Variants in NEK6 observed in about 807,000 individuals in gnomAD.
The protein encoded by NEK6 is serine/threonine-protein kinase Nek6.
A neutral mutation model predicts 43.5 loss-of-function variants in NEK6; 27 were observed. The observed-to-expected ratio is 0.62, with a 90% confidence interval of 0.46 to 0.86. The LOEUF is 0.86. Among genes scored for constraint, NEK6 ranks in the 40% least tolerant of loss-of-function variants. The pLI is 0.00. For synonymous variants in NEK6, 167 were observed against 164.1 expected (o/e 1.02, Z -0.14); for missense variants, 318 against 414.4 (o/e 0.77, Z 2.02).
rs1349662340 is a variant in NEK6 at position 124,310,634 on chromosome 9, G to A, written c.91-1875G>A. ...CTTTTTTTTGAGATGGAGTCTCACC[G>A]TCACCCAGGCTGGAGTGCAGTAGCA... On this transcript the variant is annotated intron_variant, in intron 2 of 9. Transcript: ENST00000320246. Among the ~76,000 whole-genome samples, 8 of 152,132 alleles carry A rather than the reference G, an allele frequency of 5.3e-5. 1 individual carries two copies. Among genetic ancestry groups the A allele is most frequent in the Admixed American group, 6.6e-5 (1 of 15,266 alleles).
intron 1 of NEK6, among the ~76,000 whole-genome samples, chr9:124,270,333 G>C (rs772507200): frequency 2.6e-5 from 4 of 152,182 alleles, no homozygotes; most frequent in Non-Finnish European, 5.9e-5. Context: ...TGTCCAAGAA[G>C]CCTCTTGGGA....
At chr9:124,298,916 C>G (rs1832826633) in intron 1 of NEK6, among the ~76,000 whole-genome samples, 1 of 152,172 alleles carries the variant, frequency 6.6e-6, no homozygotes, top group Non-Finnish European at 1.5e-5. Flanking sequence ...ATTCCCGGTC[C>G]CCCTTGCACT....
chr9:124,331,510 G>T (rs1203971857), intron 7 of NEK6, among the ~76,000 whole-genome samples: 4 of 152,090 alleles, frequency 2.6e-5, no homozygotes, highest in African/African-American at 9.7e-5. Context: ...CCAGGGAAGG[G>T]GTCGAGAGAG....
At chr9:124,257,848 C>A (rs1013336873), upstream of NEK6, 8 of 1,092,872 alleles carry the variant, frequency 7.3e-6, no homozygotes, top group Non-Finnish European at 9.2e-6. Flanking sequence ...GGGGCGCCCC[C>A]CGCCCCTCAA....
chr9:124,277,800 C>T (rs1831707424), intron 1 of NEK6, among the ~76,000 whole-genome samples: 1 of 152,216 alleles, frequency 6.6e-6, no homozygotes, highest in Non-Finnish European at 1.5e-5. Flanking sequence ...GGTCGGCGGC[C>T]ACGGAATTCA....
intron 1 of NEK6, among the ~76,000 whole-genome samples, chr9:124,284,737 C>T (rs73584329): frequency 0.042 from 6,442 of 152,286 alleles, 184 homozygotes; most frequent in East Asian, 0.1. Context: ...ACCACATGCA[C>T]CGCCTGGTGG....
intron 2 of NEK6, among the ~76,000 whole-genome samples, chr9:124,309,906 G>A (rs1178648849): frequency 6.6e-6 from 1 of 152,266 alleles, no homozygotes; most frequent in Non-Finnish European, 1.5e-5. Flanking sequence ...TGGGGTCAGA[G>A]CCTCAGTGCA....
Position 124,258,040 on chromosome 9 carries a change from C to T in NEK6, c.-75C>T, listed in dbSNP as rs1588425582. Reference sequence around the variant, plus strand: ...ACGCACCGCTCCAGCCGCCCGCGGGCCAGCGCACCGGTCCCCCAGCGGCAG... The same window carrying T: ...ACGCACCGCTCCAGCCGCCCGCGGGTCAGCGCACCGGTCCCCCAGCGGCAG... On this transcript the variant is annotated 5_prime_UTR_variant, in exon 1 of 10. Transcript: ENST00000320246. 1 of 979,088 alleles carries T rather than the reference C, an allele frequency of 1.0e-6. No individual in the cohort carries two copies. The highest frequency in any genetic ancestry group is 1.8e-5 in the African/African-American group (1 of 56,688). 60.7% of individuals were successfully genotyped at this position (979,088 alleles called of 1,614,324 possible).
intron 5 of NEK6, among the ~76,000 whole-genome samples, chr9:124,323,570 C>T (rs978653610): frequency 5.3e-5 from 8 of 152,276 alleles, no homozygotes; most frequent in South Asian, 2.1e-4. Flanking sequence ...GTGGAGAGGA[C>T]GCCTCACCCT....
At chr9:124,330,035 C>T (rs1828890302) in intron 7 of NEK6, among the ~76,000 whole-genome samples, 1 of 152,214 alleles carries the variant, frequency 6.6e-6, no homozygotes, top group Non-Finnish European at 1.5e-5. Context: ...AAGAGCTGGG[C>T]TTATGCAAAT....
At chr9:124,335,845 C>A (rs746828600) in intron 7 of NEK6, among the ~76,000 whole-genome samples, 1 of 152,232 alleles carries the variant, frequency 6.6e-6, no homozygotes, top group African/African-American at 2.4e-5. Flanking sequence ...TGCAGTGGCT[C>A]AGGCCTATAA....
At chr9:124,257,659 G>A, upstream of NEK6, 1 of 1,523,228 alleles carries the variant, frequency 6.6e-7, no homozygotes, top group Non-Finnish European at 8.8e-7. Context: ...AGGGTTGGCT[G>A]ACTGCAGACC....
rs576322806 is a variant in NEK6, at chr9:124,309,754, G to A, written c.91-2755G>A. 8.5e-5 allele frequency among the ~76,000 whole-genome samples: 13 copies of A among 152,334 alleles called. 1 individual carries two copies. The East Asian group carries it at 2.5e-3, about 29-fold the overall frequency. ...GATTCTTCTAAGTGCTCAGAAAGCC[G>A]CCCTGGCTGTTTATGAGGGTATGTG... On this transcript the variant is annotated intron_variant, in intron 2 of 9. Transcript: ENST00000320246.
chr9:124,276,919 G>A (rs1831672599), intron 1 of NEK6, among the ~76,000 whole-genome samples: 1 of 152,188 alleles, frequency 6.6e-6, no homozygotes, highest in African/African-American at 2.4e-5. Context: ...GGGCTTGATG[G>A]GTCAAGGGGT....
chr9:124,350,989 C>A lies in NEK6; in HGVS notation c.*42C>A. 2 of 1,450,896 alleles carry A rather than the reference C, an allele frequency of 1.4e-6. No homozygotes were observed. The highest frequency in any genetic ancestry group is 1.9e-6 in the Non-Finnish European group (2 of 1,043,702). The allele number at this position is 1,450,896 out of a possible 1,614,324, so 89.9% of individuals were successfully genotyped here. ...CCTTATCAAAGCCAGCACCACTTTG[C>A]CTTACTTGAGTCGTCTTCTCTTCGA... is the stretch of plus-strand genomic sequence containing the variant. On this transcript the variant is annotated 3_prime_UTR_variant, in exon 10 of 10. Coordinates refer to ENST00000320246, the MANE Select transcript of NEK6 (RefSeq NM_014397.6).
intron 6 of NEK6, 60 bp from the exon 7 acceptor site, chr9:124,327,277 TC>T: frequency 7.2e-7 from 1 of 1,390,380 alleles, no homozygotes; most frequent in Admixed American, 1.7e-5. Flanking sequence ...CTTCCTCTCG[TC>T]CTGCCCCACC....
At chr9:124,349,117 T>C (rs533669577) in intron 9 of NEK6, among the ~76,000 whole-genome samples, 1 of 152,314 alleles carries the variant, frequency 6.6e-6, no homozygotes, top group East Asian at 1.9e-4. Flanking sequence ...CTTGCTGGCG[T>C]TGCAGACTCC....
chr9:124,262,170 A>G (rs1005512372), intron 1 of NEK6, among the ~76,000 whole-genome samples: 1 of 152,078 alleles, frequency 6.6e-6, no homozygotes, highest in Non-Finnish European at 1.5e-5. Flanking sequence ...CTGTCTTTTC[A>G]CTTATGACTC....
At chr9:124,283,905 C>G (rs905794250) in intron 1 of NEK6, among the ~76,000 whole-genome samples, 5 of 152,234 alleles carry the variant, frequency 3.3e-5, no homozygotes, top group Non-Finnish European at 7.3e-5. Context: ...TAAGGGACGC[C>G]TGAGAGCCCC....
Sources: allele counts gnomAD v4.1 joint callset (sites outside exome capture counted in the v4.1 genomes callset), GRCh38; gene constraint gnomAD v4.1.1; transcripts MANE v1.5; gene names NCBI Gene and HGNC (gene_info 2026-07-23, HGNC 2026-07-21).